The following TUSC3 variants were observed in gnomAD, a reference collection of about 807,000 sequenced individuals.
The protein encoded by TUSC3 is tumor suppressor candidate 3.
In TUSC3, 45 loss-of-function variants were observed where a neutral mutation model predicts 44.8. That is an observed-to-expected ratio of 1.00 (90% CI 0.79 to 1.29). The LOEUF is 1.29. TUSC3 is among the 50% of genes most tolerant of loss of function. The pLI, the probability that TUSC3 is intolerant of heterozygous loss-of-function variation, is 0.00. For missense variants in TUSC3, 519 were observed against 437.9 expected, an observed-to-expected ratio of 1.19 and a Z score of -1.65; for synonymous variants, 212 against 152.9, an observed-to-expected ratio of 1.39 and a Z score of -2.85.
At chr8:15,447,111 T>C (rs1800115997) in intron 1 of TUSC3, among the ~76,000 whole-genome samples, 1 of 151,980 alleles carries the variant, frequency 6.6e-6, no homozygotes, top group Non-Finnish European at 1.5e-5. Flanking sequence ...TATAGGATGT[T>C]CATATGCATA....
chr8:15,536,815 A>G (rs190102021), upstream of TUSC3, among the ~76,000 whole-genome samples: 7 of 145,088 alleles, frequency 4.8e-5, no homozygotes, highest in East Asian at 2.1e-4. Context: ...CTGATTTTCT[A>G]TCTTGCCCAA....
chr8:15,662,663 G>C (rs1339544766), intron 5 of TUSC3, among the ~76,000 whole-genome samples: 1 of 151,914 alleles, frequency 6.6e-6, no homozygotes, highest in African/African-American at 2.4e-5. Flanking sequence ...TCTGACAACT[G>C]TTTCTTGTGT....
At chr8:15,730,635 G>C in intron 6 of TUSC3, 31 bp from the exon 7 acceptor site, 1 of 1,607,406 alleles carries the variant, frequency 6.2e-7, no homozygotes, top group Non-Finnish European at 8.5e-7. Flanking sequence ...GGCTTTCTCA[G>C]ACTGTAATTT....
intron 5 of TUSC3, among the ~76,000 whole-genome samples, chr8:15,664,265 G>C (rs55962531): frequency 0.01 from 1,531 of 151,708 alleles, 27 homozygotes; most frequent in African/African-American, 0.036. Flanking sequence ...TTTACACAAA[G>C]CTGGGCTTCT....
chr8:15,438,181 G>T (rs553299773), intron 1 of TUSC3, among the ~76,000 whole-genome samples: 66 of 152,162 alleles, frequency 4.3e-4, no homozygotes, highest in African/African-American at 1.6e-3. Context: ...TGCAATCTCC[G>T]TCTCCTGGGT....
intron 2 of TUSC3, among the ~76,000 whole-genome samples, chr8:15,647,046 C>T (rs754700589): frequency 1.3e-5 from 2 of 152,080 alleles, no homozygotes; most frequent in Non-Finnish European, 2.9e-5. Flanking sequence ...ACCTCTTCTT[C>T]TTCTCTTTTA....
intron 1 of TUSC3, among the ~76,000 whole-genome samples, chr8:15,568,230 C>G (rs1438861682): frequency 6.6e-6 from 1 of 152,102 alleles, no homozygotes; most frequent in South Asian, 2.1e-4. Context: ...AGATGCTAAG[C>G]AAAAAACACA....
At chr8:15,825,680 C>A in the TUSC3 span, among the ~76,000 whole-genome samples, 3 of 152,102 alleles carry the variant, frequency 2.0e-5, no homozygotes, top group African/African-American at 7.2e-5. Context: ...AACATACATA[C>A]AAATAAGTGC....
chr8:15,837,030 T>G, the TUSC3 span, among the ~76,000 whole-genome samples: 5 of 152,196 alleles, frequency 3.3e-5, no homozygotes, highest in East Asian at 5.8e-4. Flanking sequence ...TTTTTCATTC[T>G]TTTATCACTG....
chr8:15,809,880 C>T, the TUSC3 span, among the ~76,000 whole-genome samples: 5 of 152,180 alleles, frequency 3.3e-5, no homozygotes, highest in Non-Finnish European at 7.3e-5. Flanking sequence ...CTACATCCCT[C>T]CTATTTTTTA....
intron 6 of TUSC3, among the ~76,000 whole-genome samples, chr8:15,680,250 A>G (rs150959884): frequency 1.3e-3 from 191 of 152,022 alleles, no homozygotes; most frequent in Middle Eastern, 3.4e-3. Context: ...TGTGTCATCT[A>G]TGATTTATTT....
chr8:15,564,993 C>T (rs551433189), intron 1 of TUSC3, among the ~76,000 whole-genome samples: 7 of 152,198 alleles, frequency 4.6e-5, no homozygotes, highest in African/African-American at 1.7e-4. Flanking sequence ...TCCAGGATGA[C>T]CATTGTATGC....
chr8:15,548,261 A>G (rs1191606249), intron 1 of TUSC3, among the ~76,000 whole-genome samples: 1 of 151,900 alleles, frequency 6.6e-6, no homozygotes, highest in Non-Finnish European at 1.5e-5. Flanking sequence ...CTTTACTGAC[A>G]GTAGATTGGT....
intron 10 of TUSC3, among the ~76,000 whole-genome samples, chr8:15,762,327 AATAT>A (rs1227649002): frequency 6.6e-6 from 1 of 152,060 alleles, no homozygotes; most frequent in Non-Finnish European, 1.5e-5. Context: ...TTTCAGATTA[AATAT>A]ATATTTATCA....
chr8:15,692,591 A>C (rs1363241753), intron 6 of TUSC3, among the ~76,000 whole-genome samples: 2 of 151,072 alleles, frequency 1.3e-5, no homozygotes. Context: ...GTATGTTTCC[A>C]GGAATTTATC....
chr8:15,569,508 C>A (rs1225344054), intron 1 of TUSC3, among the ~76,000 whole-genome samples: 2 of 151,994 alleles, frequency 1.3e-5, no homozygotes, highest in African/African-American at 4.8e-5. Flanking sequence ...TGGATCTGGG[C>A]AAAGATAATA....
At chr8:15,811,063 G>A in the TUSC3 span, among the ~76,000 whole-genome samples, 1 of 147,528 alleles carries the variant, frequency 6.8e-6, no homozygotes, top group East Asian at 1.9e-4. Flanking sequence ...GAAAGAAAAG[G>A]GGGAAGCGTA....
Position 15,761,465 on chromosome 8 carries a change from C to G in TUSC3, c.*47-2738C>G, listed in dbSNP as rs567575024. Among the ~76,000 whole-genome samples, 5 of 152,324 alleles carry G rather than the reference C, an allele frequency of 3.3e-5. No individual in the cohort carries two copies. The East Asian group carries it at 7.7e-4, about 24-fold the overall frequency. On this transcript the variant is annotated intron_variant, in intron 10 of 10. Transcript: ENST00000503731. ...ATTTGTGCTAGTCCTAGCCTTCTATCTATCTTATCCCTTGTGTGCGATTTG... is the reference window on the plus strand; with the variant it reads ...ATTTGTGCTAGTCCTAGCCTTCTATGTATCTTATCCCTTGTGTGCGATTTG...
intron 1 of TUSC3, among the ~76,000 whole-genome samples, chr8:15,567,153 A>C (rs115008051): frequency 1.3e-5 from 2 of 152,162 alleles, no homozygotes; most frequent in African/African-American, 4.8e-5. Context: ...GCCAGATCCA[A>C]GATTCTTTGA....
Sources: gnomAD v4.1 joint callset for allele counts (sites outside exome capture counted in the v4.1 genomes callset) on GRCh38, gnomAD v4.1.1 for gene constraint, MANE v1.5 for transcripts, NCBI Gene and HGNC (gene_info 2026-07-23, HGNC 2026-07-21) for gene names.